The following RRAGB variants were observed in gnomAD, a reference collection of about 807,000 sequenced individuals.
RRAGB encodes Ras related GTP binding B, also known as ras-related GTP-binding protein B.
Under a neutral mutation model 29.3 loss-of-function variants are expected in RRAGB, and 6 were observed. The observed-to-expected ratio is 0.21, with a 90% CI of 0.11 to 0.40. The LOEUF is 0.40. RRAGB is among the 10% of genes least tolerant of loss of function. The pLI is 1.00. For missense variants in RRAGB, 184 were observed against 272.9 expected (o/e 0.67, Z 2.29); for synonymous variants, 101 against 92.5 (o/e 1.09, Z -0.53).
At chrX:55,747,980 G>A (rs2034312710) in intron 5 of RRAGB, among the ~76,000 whole-genome samples, 1 of 112,147 alleles carries the variant, frequency 8.9e-6, no homozygotes, top group Non-Finnish European at 1.9e-5. Context: ...TGATTCTCCT[G>A]CCTCAGCCTG....
intron 2 of RRAGB, among the ~76,000 whole-genome samples, chrX:55,721,636 T>C (rs376109167): frequency 5.7e-4 from 63 of 111,216 alleles, no homozygotes; most frequent in African/African-American, 2.0e-3. Flanking sequence ...GAGGGTCTTA[T>C]ATGTAGTCTA....
At chrX:55,748,985 C>T (rs747898099) in intron 5 of RRAGB, among the ~76,000 whole-genome samples, 1 of 98,803 alleles carries the variant, frequency 1.0e-5, no homozygotes, top group South Asian at 5.1e-4. Flanking sequence ...CCCGCCCGGC[C>T]GGCCGCCCCA....
chrX:55,742,453 T>C (rs1569247060), intron 5 of RRAGB, among the ~76,000 whole-genome samples: 1 of 112,492 alleles, frequency 8.9e-6, no homozygotes, highest in East Asian at 2.8e-4. Context: ...CTAAGAGCTC[T>C]CCTATATTCC....
At position 55,722,186 on chromosome X, in the gene RRAGB, G is replaced by T; in HGVS notation, c.127G>T (p.Val43Leu). The T allele has an allele frequency of 8.6e-7, 1 of 1,158,121 alleles. No individual in the cohort carries two copies. The highest frequency in any genetic ancestry group is 1.2e-6 in the Non-Finnish European group (1 of 851,959). Residue 43 changes from valine to leucine, a missense_variant and splice_region_variant, in exon 3 of 10, where the codon GTG (valine) becomes TTG (leucine). By Grantham distance (32) the Val-to-Leu change is conservative (BLOSUM62 1). Transcript: ENST00000374941. ...VLPNTAMKKK[V>L]LLMGKSGSGK... The stretch of plus-strand genomic sequence containing the variant: ...TTCCTTTTCCCTACTTTGTCCTTAG[G>T]TGCTGTTGATGGGTAAAAGTGGGTC...
intron 5 of RRAGB, among the ~76,000 whole-genome samples, chrX:55,735,427 T>C (rs2147093324): frequency 8.9e-6 from 1 of 112,445 alleles, no homozygotes; most frequent in South Asian, 3.7e-4. Context: ...TATCTAAGAA[T>C]AGTTATTCCC....
intron 4 of RRAGB, among the ~76,000 whole-genome samples, chrX:55,730,806 G>A (rs1267763544): frequency 9.0e-6 from 1 of 111,442 alleles, no homozygotes; most frequent in Non-Finnish European, 1.9e-5. Context: ...TCACAAACAA[G>A]TGTAATAACT....
intron 3 of RRAGB, among the ~76,000 whole-genome samples, chrX:55,723,226 T>G (rs191544995): frequency 9.1e-6 from 1 of 110,484 alleles, no homozygotes; most frequent in Non-Finnish European, 1.9e-5. Context: ...TGGTGCAGTC[T>G]TATCTCCTGG....
At chrX:55,739,404 T>C (rs866110249) in intron 5 of RRAGB, among the ~76,000 whole-genome samples, 1 of 9,113 alleles carries the variant, frequency 1.1e-4, no homozygotes, top group African/African-American at 1.2e-4. Context: ...AGGTTCCTCT[T>C]ATCAGGAATG....
intron 2 of RRAGB, among the ~76,000 whole-genome samples, chrX:55,719,670 T>A (rs1348969438): frequency 8.9e-6 from 1 of 112,072 alleles, no homozygotes; most frequent in Non-Finnish European, 1.9e-5. Flanking sequence ...CCTACAGAAT[T>A]TATTGTTCTC....
At chrX:55,754,992 A>G (rs2034623107) in intron 7 of RRAGB, 2 of 507,073 alleles carry the variant, frequency 3.9e-6, no homozygotes, top group Non-Finnish European at 4.8e-6. Flanking sequence ...TCTGCCACAC[A>G]TGGTTGTAGA....
intron 5 of RRAGB, among the ~76,000 whole-genome samples, chrX:55,749,510 G>A (rs1307845362): frequency 2.7e-5 from 3 of 111,346 alleles, no homozygotes; most frequent in Admixed American, 9.3e-5. Context: ...CCCTCTGCCC[G>A]GCCACCACCC....
intron 5 of RRAGB, among the ~76,000 whole-genome samples, chrX:55,741,595 A>T (rs1342998344): frequency 8.9e-6 from 1 of 111,868 alleles, no homozygotes; most frequent in Non-Finnish European, 1.9e-5. Flanking sequence ...CTATGTGTGT[A>T]TCTTAGGGTT....
chrX:55,755,426 G>C, intron 7 of RRAGB: 2 of 747,516 alleles, frequency 2.7e-6, no homozygotes, highest in Non-Finnish European at 3.2e-6. Context: ...TATTTGGTTA[G>C]CTTGGCCTTT....
At position 55,718,182 on chromosome X, in the gene RRAGB, G is replaced by A. The variant is rs1322435734; in HGVS notation, c.-146G>A. ...GGAAAGCGGCCCCCCAGTGGACAAA[G>A]GCGGAGGCAAGAATAGAGCAGGCCT... On this transcript the variant is annotated 5_prime_UTR_variant, in exon 1 of 10. Coordinates refer to ENST00000374941, the MANE Select transcript of RRAGB (RefSeq NM_006064.5). The A allele has an allele frequency of 1.3e-5, 5 of 374,910 alleles. No individual in the cohort carries two copies. The highest frequency in any genetic ancestry group is 2.2e-5 in the Non-Finnish European group (5 of 223,136). 30.9% of individuals were successfully genotyped at this position (374,910 alleles called of 1,213,427 possible).
chrX:55,722,877 T>C (rs920550941), intron 3 of RRAGB, among the ~76,000 whole-genome samples: 3 of 111,489 alleles, frequency 2.7e-5, no homozygotes, highest in African/African-American at 9.8e-5. Flanking sequence ...TGTAGGATCC[T>C]GGGAGAGCCC....
intron 3 of RRAGB, among the ~76,000 whole-genome samples, chrX:55,724,419 A>G (rs1021468555): frequency 8.9e-6 from 1 of 111,854 alleles, no homozygotes; most frequent in African/African-American, 3.3e-5. Flanking sequence ...TATCTTTCCT[A>G]ACTCTAATAT....
intron 5 of RRAGB, among the ~76,000 whole-genome samples, chrX:55,748,743 T>A (rs1194481468): frequency 1.1e-5 from 1 of 90,294 alleles, no homozygotes; most frequent in Non-Finnish European, 2.2e-5. Flanking sequence ...GAGGTGGGGG[T>A]CAGCCCCCAC....
chrX:55,730,115 G>A (rs1339315049), intron 4 of RRAGB, among the ~76,000 whole-genome samples: 1 of 112,445 alleles, frequency 8.9e-6, no homozygotes, highest in Non-Finnish European at 1.9e-5. Context: ...ATACAAAGTT[G>A]CATAGCAGAG....
At chrX:55,744,408 G>T (rs5914438) in intron 5 of RRAGB, among the ~76,000 whole-genome samples, 1 of 69,921 alleles carries the variant, frequency 1.4e-5, no homozygotes, top group Non-Finnish European at 2.5e-5. Context: ...AAAAAAAGTA[G>T]TATAGCAGGA....
Sources: allele counts gnomAD v4.1 joint callset (sites outside exome capture counted in the v4.1 genomes callset), GRCh38; gene constraint gnomAD v4.1.1; transcripts MANE v1.5; gene names NCBI Gene and HGNC (gene_info 2026-07-23, HGNC 2026-07-21).